Variants in SCRIB observed in about 807,000 individuals in gnomAD.
SCRIB encodes protein scribble homolog.
In SCRIB, 72 loss-of-function variants were observed where a neutral mutation model predicts 170.0. That is an observed-to-expected ratio of 0.42 (90% CI 0.35 to 0.52). The LOEUF (loss-of-function observed/expected upper bound fraction) is 0.52. Among genes scored for constraint, SCRIB ranks in the 20% least tolerant of loss-of-function variants. The pLI, the probability that SCRIB is intolerant of heterozygous loss-of-function variation, is 0.02. For missense variants in SCRIB, 2,475 were observed against 2,338.5 expected (o/e 1.06, Z -1.20); for synonymous variants, 1,298 against 1,044.3 (o/e 1.24, Z -4.68).
rs1815662622 is a variant in SCRIB at position 143,810,579 on chromosome 8, T to A, written c.1430A>T (p.His477Leu). 2 of 1,613,290 alleles carry A rather than the reference T, an allele frequency of 1.2e-6. No individual in the cohort carries two copies. Among genetic ancestry groups the A allele is most frequent in the Non-Finnish European group, 1.7e-6 (2 of 1,179,894 alleles). Residue 477 changes from histidine (H) to leucine (L), a missense_variant, in exon 13 of 37, where the codon CAC becomes CTC. By Grantham distance (99) the His-to-Leu change is moderately conservative. Coordinates refer to ENST00000356994, the MANE Select transcript of SCRIB (RefSeq NM_182706.5). ...KRGLQRRATP[H>L]PSELKVMKRS... The stretch of plus-strand genomic sequence containing the variant: ...CTTCATCACCTTGAGCTCGCTGGGG[T>A]GAGGTGTGGCCCGGCGCTGTAGGCC...
chr8:143,793,846 T>TCTGCC, intron 28 of SCRIB, 54 bp downstream of exon 28: 1 of 1,572,972 alleles, frequency 6.4e-7, no homozygotes, highest in African/African-American at 1.3e-5. Flanking sequence ...ACAGCGGCCA[T>TCTGCC]CTGCCCTGCC....
rs1554635764 is a variant in SCRIB at position 143,804,126 on chromosome 8, G to A, written c.3040C>T (p.Leu1014=). 1 of 1,612,338 alleles carries A rather than the reference G, an allele frequency of 6.2e-7. No homozygotes were observed. The highest frequency in any genetic ancestry group is 8.5e-7 in the Non-Finnish European group (1 of 1,179,284). The change falls in exon 22 of 37, where the codon CTG becomes TTG. Residue 1014 remains leucine (L), a synonymous_variant. Transcript: ENST00000356994. The part of the protein sequence containing the change: ...EIRLPRAGGP[L]GLSIVGGSDH... ...GAGCCTCCGACAATACTAAGCCCCA[G>A]AGGGCCCCCAGCTCTTGGCAGACGG...
In SCRIB at chr8:143,813,686, G is replaced by C; in HGVS notation, c.397C>G (p.Leu133Val). The C allele has an allele frequency of 1.9e-6, 3 of 1,613,598 alleles. No individual in the cohort carries two copies. Among genetic ancestry groups the C allele is most frequent in the Non-Finnish European group, 2.5e-6 (3 of 1,180,022 alleles). The change falls in exon 4 of 37, where the codon CTG (leucine) becomes GTG (valine). Residue 133 changes from leucine (L) to valine (V), a missense_variant. Leu to Val is a conservative substitution (Grantham distance 32, BLOSUM62 1). This residue lies in a region of SCRIB where 487 missense variants were observed against 558.1 expected (regional missense o/e 0.87). Coordinates refer to ENST00000356994, the MANE Select transcript of SCRIB (RefSeq NM_182706.5). ...TGCAGAGACACATCATTCAGGGCCA[G>C]GTGAGCCAGGCTGCGCAGCTGAGTG... ...GFTQLRSLAH[L>V]ALNDVSLQAL...
chr8:143,800,574 C>T (rs34067383), intron 24 of SCRIB, among the ~76,000 whole-genome samples: 13,414 of 152,308 alleles, frequency 0.088, 696 homozygotes, highest in African/African-American at 0.13. Context: ...GAGAAAAGCT[C>T]GACATAAAGA....
chr8:143,803,896 C>A lies in SCRIB; in HGVS notation c.3165G>T (p.Gly1055=). ...GCCCGTTCACTGCCAGGATGCGGTC[C>A]CCAACCCGCAGGCCGCTGCGAGCGG... The part of the protein sequence containing the change: ...GLAARSGLRV[G]DRILAVNGQD... The change falls in exon 23 of 37, where the codon GGG becomes GGT. Residue 1055 remains glycine, a synonymous_variant. Transcript: ENST00000356994. 6.3e-7 allele frequency: 1 copy of A among 1,594,158 alleles called. No homozygotes were observed. Among genetic ancestry groups the A allele is most frequent in the Non-Finnish European group, 8.5e-7 (1 of 1,170,528 alleles).
chr8:143,812,076 G>A (rs1586527405), intron 9 of SCRIB, among the ~76,000 whole-genome samples, 190 bp downstream of exon 9: 1 of 152,148 alleles, frequency 6.6e-6, no homozygotes, highest in Non-Finnish European at 1.5e-5. Context: ...AAAGGCCCCT[G>A]CCCTGGCCTC....
intron 1 of SCRIB, among the ~76,000 whole-genome samples, chr8:143,814,550 A>G (rs1161960641): frequency 1.3e-5 from 2 of 152,168 alleles, no homozygotes; most frequent in Admixed American, 6.5e-5. Context: ...ACAGTACCAC[A>G]GGCACAGTGC....
Position 143,815,331 on chromosome 8 carries a change from C to A in SCRIB, c.42G>T (p.Val14=). 2 of 1,561,888 alleles carry A rather than the reference C, an allele frequency of 1.3e-6. No homozygotes were observed. The highest frequency in any genetic ancestry group is 1.7e-6 in the Non-Finnish European group (2 of 1,155,356). ...CIPLWRCNRH[V]ESVDKRHCSL... Reference sequence around the variant, plus strand: ...AACAGTGCCGCTTGTCCACCGACTCCACGTGCCGGTTGCAGCGCCACAGCG... The same window carrying A: ...AACAGTGCCGCTTGTCCACCGACTCAACGTGCCGGTTGCAGCGCCACAGCG... The change falls in exon 1 of 37, where the codon GTG becomes GTT. Residue 14 remains valine (V), a synonymous_variant. Coordinates refer to ENST00000356994, the MANE Select transcript of SCRIB (RefSeq NM_182706.5).
intron 18 of SCRIB, 21 bp downstream of exon 18, chr8:143,806,386 G>A (rs943860592): frequency 1.9e-6 from 3 of 1,582,792 alleles, no homozygotes; most frequent in East Asian, 2.3e-5. Context: ...GCCACTCGGG[G>A]CGGAGAGGTT....
chr8:143,801,201 ACT>A (rs1554634925), intron 24 of SCRIB, among the ~76,000 whole-genome samples: 1 of 152,250 alleles, frequency 6.6e-6, no homozygotes, highest in African/African-American at 2.4e-5. Flanking sequence ...TTCAGTCAGT[ACT>A]GTGGGGACAG....
rs1820091882 is a variant in SCRIB at position 143,791,714 on chromosome 8, G to A, written c.4722C>T (p.Tyr1574=). 6.2e-7 allele frequency: 1 copy of A among 1,602,796 alleles called. No homozygotes were observed. The highest frequency in any genetic ancestry group is 8.5e-7 in the Non-Finnish European group (1 of 1,171,694). ...AAGAAGGCAGGGCCGCAAAGGCCCT[G>A]TAGTCAAACTTCTTTCCAGACAAGG... ...RLPLSGKKFD[Y]RAFAALPSSR... Residue 1574 remains tyrosine (Y), a synonymous_variant, in exon 35 of 37, where the codon TAC becomes TAT. Coordinates refer to ENST00000356994, the MANE Select transcript of SCRIB (RefSeq NM_182706.5).
At position 143,810,531 on chromosome 8, in the gene SCRIB, C is replaced by T. The variant is rs749259209; in HGVS notation, c.1478G>A (p.Ser493Asn). ...VMKRSIEGRRSEACPCQPDSG... is the reference protein window; with the variant it reads ...VMKRSIEGRRNEACPCQPDSG... Reference sequence around the variant, plus strand: ...GTCTGGCTGGCAAGGGCAGGCCTCGCTCCGCCGCCCCTCGATGCTCCTCTT... The same window carrying T: ...GTCTGGCTGGCAAGGGCAGGCCTCGTTCCGCCGCCCCTCGATGCTCCTCTT... Residue 493 changes from serine (S) to asparagine (N), a missense_variant, in exon 13 of 37, where the codon AGC becomes AAC. By Grantham distance (46) the Ser-to-Asn change is conservative. Transcript: ENST00000356994. The T allele has an allele frequency of 6.2e-7, 1 of 1,613,144 alleles. No individual in the cohort carries two copies. Among genetic ancestry groups the T allele is most frequent in the East Asian group, 2.2e-5 (1 of 44,872 alleles).
Position 143,806,936 on chromosome 8 carries a change from C to T in SCRIB, c.2256G>A (p.Lys752=), listed in dbSNP as rs1554636732. 9 of 1,612,310 alleles carry T rather than the reference C, an allele frequency of 5.6e-6. No individual in the cohort carries two copies. Among genetic ancestry groups the T allele is most frequent in the African/African-American group, 2.7e-5 (2 of 75,028 alleles). Reference sequence around the variant, plus strand: ...AGGCAGTGCTCACCTCGTCGTCCCCCTTATAGGGTGTGGAGCCCTTGCCGC... The same window carrying T: ...AGGCAGTGCTCACCTCGTCGTCCCCTTTATAGGGTGTGGAGCCCTTGCCGC... The part of the protein sequence containing the change: ...IAGGKGSTPY[K]GDDEGIFISR... The change falls in exon 17 of 37, where the codon AAG becomes AAA. Residue 752 remains lysine (K), a synonymous_variant. Transcript: ENST00000356994.
chr8:143,793,372 G>T (rs1284303389), intron 28 of SCRIB: 2 of 356,152 alleles, frequency 5.6e-6, no homozygotes, highest in Non-Finnish European at 1.0e-5. Context: ...GGCGGGGGCA[G>T]AGGAGAGCAG....
At position 143,805,187 on chromosome 8, in the gene SCRIB, C is replaced by T. The variant is rs1554636187; in HGVS notation, c.2595G>A (p.Leu865=). 1 of 1,575,908 alleles carries T rather than the reference C, an allele frequency of 6.3e-7. No homozygotes were observed. ...GPLRQRHVAC[L]ARSERGLGFS... ...AGCCCAGCCCCCTCTCGCTGCGTGC[C>T]AGGCAGGCCACGTGGCGCTGACGGA... The change falls in exon 19 of 37, where the codon CTG becomes CTA. Residue 865 remains leucine (L), a synonymous_variant. Coordinates refer to ENST00000356994, the MANE Select transcript of SCRIB (RefSeq NM_182706.5).
chr8:143,814,132 G>A lies in SCRIB; in HGVS notation c.160-14C>T, dbSNP rs1164029651. 5.8e-6 allele frequency: 9 copies of A among 1,547,940 alleles called. No homozygotes were observed. Among genetic ancestry groups the A allele is most frequent in the African/African-American group, 1.4e-5 (1 of 72,994 alleles). ...CCGGAAAAAAGGCTGTGGGCAGGGA[G>A]GACACGGACTCTGTGGCAGAGACCA... On this transcript the variant is annotated splice_polypyrimidine_tract_variant and intron_variant, in intron 1 of 36. Transcript: ENST00000356994.
At position 143,807,542 on chromosome 8, in the gene SCRIB, C is replaced by G; in HGVS notation, c.2178+10G>C. ...CGGCCCGGCCAGAGTGCAGAGCGAGCAGTACAGACCTCTTCCTCCTCAATG... is the reference window on the plus strand; with the variant it reads ...CGGCCCGGCCAGAGTGCAGAGCGAGGAGTACAGACCTCTTCCTCCTCAATG... On this transcript the variant is annotated intron_variant, in intron 16 of 36. Coordinates refer to ENST00000356994, the MANE Select transcript of SCRIB (RefSeq NM_182706.5). 6.2e-7 allele frequency: 1 copy of G among 1,610,306 alleles called. No homozygotes were observed. Among genetic ancestry groups the G allele is most frequent in the Non-Finnish European group, 8.5e-7 (1 of 1,176,616 alleles).
Position 143,804,681 on chromosome 8 carries a change from TG to T in SCRIB, c.2895del (p.Thr966ProfsTer9). ...PPSPLPHSSPPTAAVATTSIT... is the reference protein window; with the variant it reads ...PPSPLPHSSPXTAAVATTSIT... ...ATGCTGGTGGTGGCAACAGCAGCGG[TG>T]GGGGGTGAGGAATGTGGCAGAGGGC... On this transcript the variant is annotated frameshift_variant, in exon 21 of 37. Transcript: ENST00000356994. LOFTEE classifies it high-confidence loss of function. 4 of 1,556,936 alleles carry T rather than the reference TG, an allele frequency of 2.6e-6. No individual in the cohort carries two copies. The highest frequency in any genetic ancestry group is 8.7e-7 in the Non-Finnish European group (1 of 1,148,014).
rs200246577 is a variant in SCRIB at position 143,795,279 on chromosome 8, C to T, written c.3769G>A (p.Ala1257Thr). Residue 1257 changes from alanine to threonine, a missense_variant and splice_region_variant, in exon 26 of 37, where the codon GCA becomes ACA. Physicochemically the swap from Ala to Thr is moderately conservative, Grantham distance 58. Coordinates refer to ENST00000356994, the MANE Select transcript of SCRIB (RefSeq NM_182706.5). ...GGGGGTGGGGCGACCACACTCACTG[C>T]GGCTTCTGTGGCCTCGGGCCCCCAG... ...LHWGPEATEA[A>T]GRGLQPLKLD... The T allele has an allele frequency of 2.6e-5, 42 of 1,612,490 alleles. No individual in the cohort carries two copies. The highest frequency in any genetic ancestry group is 2.3e-4 in the Admixed American group (14 of 59,994).
Sources: allele counts gnomAD v4.1 joint callset (sites outside exome capture counted in the v4.1 genomes callset), GRCh38; gene constraint gnomAD v4.1.1; regional missense constraint gnomAD v4.1.1; transcripts MANE v1.5; gene names NCBI Gene and HGNC (gene_info 2026-07-23, HGNC 2026-07-21).